Variants in AKR1C8 observed in about 807,000 individuals in gnomAD.
The protein encoded by AKR1C8 is aldo-keto reductase family 1 member C8.
the AKR1C8 span, among the ~76,000 whole-genome samples, chr10:5,130,713 T>C: frequency 0.39 from 59,541 of 151,640 alleles, 12,481 homozygotes; most frequent in Non-Finnish European, 0.43. Flanking sequence ...TAGGAACATA[T>C]TTAATCAAAG....
the AKR1C8 span, among the ~76,000 whole-genome samples, chr10:5,120,188 G>C: frequency 1.3e-5 from 2 of 152,184 alleles, no homozygotes; most frequent in South Asian, 4.1e-4. Flanking sequence ...TAACTAGCCA[G>C]AGCCCATCCC....
the AKR1C8 span, among the ~76,000 whole-genome samples, chr10:5,126,278 G>A: frequency 6.6e-6 from 1 of 152,160 alleles, no homozygotes; most frequent in Admixed American, 6.6e-5. Flanking sequence ...CATCCCCACA[G>A]GAGGAGCACT....
chr10:5,164,844 C>T, the AKR1C8 span, among the ~76,000 whole-genome samples: 8 of 152,208 alleles, frequency 5.3e-5, no homozygotes, highest in Non-Finnish European at 1.0e-4. Context: ...CAGTTCCCAA[C>T]AGCCTGTCAG....
the AKR1C8 span, among the ~76,000 whole-genome samples, chr10:5,148,733 T>C: frequency 3.9e-5 from 6 of 152,204 alleles, no homozygotes; most frequent in Non-Finnish European, 8.8e-5. Flanking sequence ...TACAGATATC[T>C]GTTTGGAAAT....
the AKR1C8 span, among the ~76,000 whole-genome samples, chr10:5,139,478 G>T: frequency 6.6e-6 from 1 of 152,106 alleles, no homozygotes; most frequent in African/African-American, 2.4e-5. Flanking sequence ...ACAGAACAGA[G>T]CCCTCAGAAA....
the AKR1C8 span, among the ~76,000 whole-genome samples, chr10:5,177,788 T>A: frequency 6.6e-6 from 1 of 152,220 alleles, no homozygotes. Context: ...TAGTATTCTC[T>A]GATGGTAGTT....
chr10:5,144,758 A>C, the AKR1C8 span, among the ~76,000 whole-genome samples: 14 of 151,992 alleles, frequency 9.2e-5, no homozygotes, highest in Middle Eastern at 3.2e-3. Flanking sequence ...TATCAGCTTA[A>C]GGAGATTTTG....
the AKR1C8 span, among the ~76,000 whole-genome samples, chr10:5,171,680 G>C: frequency 6.6e-6 from 1 of 151,944 alleles, no homozygotes; most frequent in Non-Finnish European, 1.5e-5. Flanking sequence ...TTAAAGAGCA[G>C]GTTAGTGCTT....
chr10:5,140,357 C>T, the AKR1C8 span, among the ~76,000 whole-genome samples: 44,336 of 150,912 alleles, frequency 0.29, 6,889 homozygotes, highest in Non-Finnish European at 0.36. Flanking sequence ...CATATGTTTA[C>T]TGCAGCACTA....
chr10:5,116,264 C>A, the AKR1C8 span, among the ~76,000 whole-genome samples: 2 of 151,964 alleles, frequency 1.3e-5, no homozygotes. Flanking sequence ...TAGGAGGAAC[C>A]CAAAGTGTCC....
At chr10:5,156,975 TG>T in the AKR1C8 span, among the ~76,000 whole-genome samples, 13 of 152,122 alleles carry the variant, frequency 8.5e-5, 1 homozygote, top group South Asian at 2.7e-3. Flanking sequence ...AGGTCCAGAG[TG>T]GATGTGGAGA....
chr10:5,146,473 C>T, the AKR1C8 span, among the ~76,000 whole-genome samples: 1 of 152,006 alleles, frequency 6.6e-6, no homozygotes, highest in Non-Finnish European at 1.5e-5. Flanking sequence ...TATCCATGAC[C>T]TAAGAGCTTC....
chr10:5,161,605 G>C, the AKR1C8 span: 4 of 489,128 alleles, frequency 8.2e-6, no homozygotes, highest in Admixed American at 4.2e-5. Context: ...CAACTGTCTA[G>C]GGTAGAGGAA....
At chr10:5,177,377 T>C in the AKR1C8 span, among the ~76,000 whole-genome samples, 1 of 152,088 alleles carries the variant, frequency 6.6e-6, no homozygotes, top group African/African-American at 2.4e-5. Flanking sequence ...TGGATTCGGT[T>C]TGCCAGTATT....
At chr10:5,177,307 C>G in the AKR1C8 span, among the ~76,000 whole-genome samples, 1 of 152,016 alleles carries the variant, frequency 6.6e-6, no homozygotes, top group Non-Finnish European at 1.5e-5. Context: ...TTGAACCAGC[C>G]TTGCATCCCA....
the AKR1C8 span, among the ~76,000 whole-genome samples, chr10:5,131,554 C>T: frequency 0.25 from 38,170 of 151,636 alleles, 4,949 homozygotes; most frequent in Middle Eastern, 0.38. Flanking sequence ...AGTAGATATA[C>T]AAACAGCCAA....
chr10:5,151,139 A>T, the AKR1C8 span, among the ~76,000 whole-genome samples: 1 of 152,126 alleles, frequency 6.6e-6, no homozygotes, highest in Non-Finnish European at 1.5e-5. Flanking sequence ...CAGTTTATTA[A>T]TCTGGGTGGC....
the AKR1C8 span, among the ~76,000 whole-genome samples, chr10:5,136,445 G>A: frequency 8.0e-3 from 454 of 56,808 alleles, 3 homozygotes; most frequent in African/African-American, 0.042. Flanking sequence ...CTACTCAAGA[G>A]GCTGAGGCAG....
At chr10:5,120,468 T>G in the AKR1C8 span, among the ~76,000 whole-genome samples, 4 of 152,174 alleles carry the variant, frequency 2.6e-5, no homozygotes, top group Non-Finnish European at 4.4e-5. Context: ...AATAGTAGTA[T>G]TATTTGTTTT....
Sources: gnomAD v4.1 joint callset for allele counts (sites outside exome capture counted in the v4.1 genomes callset) on GRCh38, gnomAD v4.1.1 for gene constraint, MANE v1.5 for transcripts, NCBI Gene and HGNC (gene_info 2026-07-23, HGNC 2026-07-21) for gene names.